The following LDB2 variants were observed in gnomAD, a reference collection of about 807,000 sequenced individuals.
LDB2 encodes LIM domain binding 2.
In LDB2, 12 loss-of-function variants were observed where a neutral mutation model predicts 44.3. The observed-to-expected ratio is 0.27, with a 90% CI of 0.17 to 0.44. LDB2 has a LOEUF of 0.44. LDB2 is among the 20% of genes least tolerant of loss of function. The pLI, the probability that LDB2 is intolerant of heterozygous loss-of-function variation, is 1.00. For synonymous variants in LDB2, 164 were observed against 174.8 expected (o/e 0.94, Z 0.49); for missense variants, 344 against 473.5 (o/e 0.73, Z 2.54).
chr4:16,661,917 T>A (rs185202347), intron 2 of LDB2, among the ~76,000 whole-genome samples: 1 of 152,132 alleles, frequency 6.6e-6, no homozygotes, highest in African/African-American at 2.4e-5. Context: ...GAACTTTAAT[T>A]ACTGGGGCAG....
chr4:16,643,476 T>C (rs1298618710), intron 2 of LDB2, among the ~76,000 whole-genome samples: 2 of 152,236 alleles, frequency 1.3e-5, no homozygotes, highest in Non-Finnish European at 2.9e-5. Flanking sequence ...AAGGCCTAAA[T>C]GTTCTTTGCT....
chr4:16,546,198 G>A (rs1735679841), intron 5 of LDB2, among the ~76,000 whole-genome samples: 1 of 152,040 alleles, frequency 6.6e-6, no homozygotes, highest in African/African-American at 2.4e-5. Flanking sequence ...ATTGATATTA[G>A]TGCAAACATA....
rs5856375 is a variant in LDB2, at chr4:16,665,253, C to CTT, written c.236-69380_236-69379dup. 4.9e-4 allele frequency among the ~76,000 whole-genome samples: 70 copies of CTT among 142,310 alleles called. 1 individual carries two copies. The highest frequency in any genetic ancestry group is 1.3e-3 in the South Asian group (6 of 4,518). The allele number at this position is 142,310 out of a possible 152,430, so 93.4% of individuals were successfully genotyped here. ...TCAGTTCCCCAGAAGTAGATATTCT[C>CTT]TTTTTTTTTCATTTCTTTTTTTTTT... On this transcript the variant is annotated intron_variant, in intron 2 of 7. Transcript: ENST00000304523.
chr4:16,571,412 T>C (rs933721207), intron 5 of LDB2, among the ~76,000 whole-genome samples: 6 of 151,886 alleles, frequency 4.0e-5, no homozygotes, highest in Non-Finnish European at 8.8e-5. Flanking sequence ...CCCTGAGTAG[T>C]TTTTGGTGTT....
chr4:16,892,349 ATTTTG>A (rs1329132283), intron 1 of LDB2, among the ~76,000 whole-genome samples: 1 of 152,182 alleles, frequency 6.6e-6, no homozygotes, highest in African/African-American at 2.4e-5. Flanking sequence ...GAATGCCTGA[ATTTTG>A]TTTTAAGCAT....
At chr4:16,774,350 T>C (rs1036250906) in intron 1 of LDB2, among the ~76,000 whole-genome samples, 1 of 152,148 alleles carries the variant, frequency 6.6e-6, no homozygotes, top group Admixed American at 6.5e-5. Context: ...TGCGTTTTTT[T>C]AAAAAATTAA....
chr4:16,560,711 A>G (rs968634212), intron 5 of LDB2, among the ~76,000 whole-genome samples: 1 of 152,240 alleles, frequency 6.6e-6, no homozygotes, highest in Admixed American at 6.5e-5. Context: ...TCCCTGACTC[A>G]TTTTATGAGG....
intron 1 of LDB2, among the ~76,000 whole-genome samples, chr4:16,855,053 G>A (rs1789073287): frequency 6.6e-6 from 1 of 151,954 alleles, no homozygotes; most frequent in Admixed American, 6.6e-5. Context: ...GTATACAGAA[G>A]GAAATGCCTA....
chr4:16,898,406 T>G lies in LDB2; in HGVS notation c.80A>C (p.Gln27Pro). ...CATCTCATAGATTCGGTACTCTGGC[T>G]GTACCATGTATGGTGTATGCCTCCT... is the stretch of plus-strand genomic sequence containing the variant. The part of the protein sequence containing the change: ...FYRRHTPYMV[Q>P]PEYRIYEMNK... Residue 27 changes from glutamine (Q) to proline (P), a missense_variant, in exon 1 of 8, where the codon CAG becomes CCG. By Grantham distance (76) the Gln-to-Pro change is moderately conservative (BLOSUM62 -1). Around this residue, in one of 3 missense-constraint regions of LDB2, gnomAD observed 226 missense variants for 270.1 expected, o/e 0.84. Transcript: ENST00000304523. The G allele has an allele frequency of 6.2e-7, 1 of 1,613,756 alleles. No individual in the cohort carries two copies. The highest frequency in any genetic ancestry group is 8.5e-7 in the Non-Finnish European group (1 of 1,179,782).
chr4:16,760,022 G>C (rs1767552348), intron 1 of LDB2, among the ~76,000 whole-genome samples: 1 of 152,162 alleles, frequency 6.6e-6, no homozygotes, highest in South Asian at 2.1e-4. Context: ...TAATCTCCAA[G>C]GGGAGAAGAA....
chr4:16,725,172 T>C (rs957421694), intron 2 of LDB2, among the ~76,000 whole-genome samples: 1 of 152,088 alleles, frequency 6.6e-6, no homozygotes, highest in Non-Finnish European at 1.5e-5. Context: ...AACTGAGTTA[T>C]TAATCATGCT....
chr4:16,508,482 G>C (rs1720445518), intron 7 of LDB2, 53 bp downstream of exon 7: 1 of 1,379,040 alleles, frequency 7.3e-7, no homozygotes, highest in Non-Finnish European at 9.6e-7. Flanking sequence ...TGGGCCCTTT[G>C]AGTAGGAAGC....
chr4:16,556,691 T>C (rs541292933), intron 5 of LDB2, among the ~76,000 whole-genome samples: 1 of 152,340 alleles, frequency 6.6e-6, no homozygotes, highest in African/African-American at 2.4e-5. Flanking sequence ...TAAGTGAACC[T>C]ATGCCGTTAA....
chr4:16,630,324 AT>A (rs1231170141), intron 2 of LDB2, among the ~76,000 whole-genome samples: 1 of 152,240 alleles, frequency 6.6e-6, no homozygotes, highest in Non-Finnish European at 1.5e-5. Context: ...AGAATTTCAT[AT>A]CCAGCCAAAC....
intron 2 of LDB2, among the ~76,000 whole-genome samples, chr4:16,632,483 T>C (rs1732249325): frequency 6.6e-6 from 1 of 152,160 alleles, no homozygotes; most frequent in Non-Finnish European, 1.5e-5. Context: ...TCATACTGAA[T>C]GGGCCAAAAC....
At chr4:16,516,087 A>G (rs1398910314) in intron 5 of LDB2, among the ~76,000 whole-genome samples, 12 of 151,432 alleles carry the variant, frequency 7.9e-5, no homozygotes, top group Non-Finnish European at 1.3e-4. Context: ...GGATGGTCTC[A>G]ATCTCCTGAC....
At chr4:16,607,584 A>G (rs1724289187) in intron 2 of LDB2, among the ~76,000 whole-genome samples, 1 of 152,224 alleles carries the variant, frequency 6.6e-6, no homozygotes, top group Non-Finnish European at 1.5e-5. Flanking sequence ...TGCAAATATT[A>G]ATAACACTAT....
At chr4:16,694,697 A>G (rs749695476) in intron 2 of LDB2, among the ~76,000 whole-genome samples, 3 of 152,212 alleles carry the variant, frequency 2.0e-5, no homozygotes, top group Non-Finnish European at 4.4e-5. Flanking sequence ...GTTATTCATC[A>G]TGAAGGATCT....
At chr4:16,639,388 A>C (rs1734528335) in intron 2 of LDB2, among the ~76,000 whole-genome samples, 1 of 152,258 alleles carries the variant, frequency 6.6e-6, no homozygotes, top group Non-Finnish European at 1.5e-5. Flanking sequence ...CAAAACTGGC[A>C]AAAACAGATC....
Sources: gnomAD v4.1 joint callset for allele counts (sites outside exome capture counted in the v4.1 genomes callset) on GRCh38, gnomAD v4.1.1 for gene constraint, gnomAD v4.1.1 regional missense constraint, MANE v1.5 for transcripts, NCBI Gene and HGNC (gene_info 2026-07-23, HGNC 2026-07-21) for gene names.